Variants in KIF25 observed in about 807,000 individuals in gnomAD.
The protein encoded by KIF25 is kinesin-like protein KIF25.
Under a neutral mutation model 32.9 loss-of-function variants are expected in KIF25, and 19 were observed. That is an observed-to-expected ratio of 0.58 (90% CI 0.40 to 0.85). KIF25 has a LOEUF of 0.85. Ranked by LOEUF, KIF25 falls within the 40% of genes least tolerant of loss-of-function variation. KIF25 has a pLI of 0.00. For missense variants in KIF25, 485 were observed against 507.0 expected, an observed-to-expected ratio of 0.96 and a Z score of 0.42; for synonymous variants, 225 against 213.7, an observed-to-expected ratio of 1.05 and a Z score of -0.46.
At chr6:168,021,461 A>G (rs1287933708) in intron 5 of KIF25, among the ~76,000 whole-genome samples, 2 of 152,248 alleles carry the variant, frequency 1.3e-5, no homozygotes, top group African/African-American at 4.8e-5. Flanking sequence ...GAGTTTACAT[A>G]CTGTGCTAAC....
intron 8 of KIF25, among the ~76,000 whole-genome samples, chr6:168,037,648 TC>T (rs1304305808): frequency 2.7e-5 from 1 of 36,674 alleles, no homozygotes; most frequent in East Asian, 2.9e-3. Flanking sequence ...GTTTTATTTC[TC>T]TCTCTCTCTC....
In KIF25 at chr6:168,034,016, C is replaced by T; in HGVS notation, c.302C>T (p.Ala101Val). 1.2e-6 allele frequency: 2 copies of T among 1,614,132 alleles called. No homozygotes were observed. Among genetic ancestry groups the T allele is most frequent in the Non-Finnish European group, 8.5e-7 (1 of 1,180,020 alleles). The change falls in exon 8 of 13, where the codon GCT becomes GTT. Residue 101 changes from alanine to valine, a missense_variant. Physicochemically the swap from Ala to Val is moderately conservative, Grantham distance 64. This residue lies in a region of KIF25 where 480 missense variants were observed against 470.3 expected (regional missense o/e 1.02). Transcript: ENST00000643607. ...GACTTAGGAATTATCCCTAGAGTGG[C>T]TGAGGAGCTCTTCAGGTACTGCCGA... ...QSDLGIIPRVAEELFRLILEN... is the reference protein window; with the variant it reads ...QSDLGIIPRVVEELFRLILEN...
intron 8 of KIF25, chr6:168,035,758 GCA>G: frequency 2.2e-6 from 1 of 456,242 alleles, no homozygotes; most frequent in Non-Finnish European, 4.4e-6. Context: ...GTGATTTGCG[GCA>G]CTGGAATCCC....
intron 4 of KIF25, among the ~76,000 whole-genome samples, chr6:168,008,498 G>A (rs751131040): frequency 3.6e-4 from 55 of 152,200 alleles, no homozygotes; most frequent in Non-Finnish European, 3.2e-4. Context: ...TATTTTGAGA[G>A]CAGGTAGTGT....
intron 4 of KIF25, among the ~76,000 whole-genome samples, chr6:168,013,247 T>C (rs1798671024): frequency 6.6e-6 from 1 of 151,656 alleles, no homozygotes; most frequent in Non-Finnish European, 1.5e-5. Context: ...GCAGCTTGGC[T>C]AACTCAAGGG....
At chr6:168,005,891 A>C (rs1477163145) in intron 4 of KIF25, among the ~76,000 whole-genome samples, 2 of 152,204 alleles carry the variant, frequency 1.3e-5, no homozygotes, top group Non-Finnish European at 2.9e-5. Flanking sequence ...CCCAAGATCA[A>C]TACTTTGTAT....
intron 5 of KIF25, among the ~76,000 whole-genome samples, chr6:168,023,269 CTTTTTT>C (rs34667438): frequency 8.9e-6 from 1 of 111,922 alleles, no homozygotes. Context: ...TTCCTTCTTC[CTTTTTT>C]TTTTTTTTTT....
At chr6:168,043,742 A>G (rs576938049) in intron 12 of KIF25, among the ~76,000 whole-genome samples, 24 of 152,214 alleles carry the variant, frequency 1.6e-4, no homozygotes, top group Non-Finnish European at 2.5e-4. Context: ...AGTACCTGAG[A>G]GCCAGCAGGT....
At chr6:168,017,358 T>G (rs1240196303) in intron 4 of KIF25, among the ~76,000 whole-genome samples, 6 of 152,242 alleles carry the variant, frequency 3.9e-5, no homozygotes, top group Non-Finnish European at 8.8e-5. Flanking sequence ...GAATACACAT[T>G]TTGTTTTAGA....
intron 7 of KIF25, among the ~76,000 whole-genome samples, chr6:168,033,199 A>G (rs898585987): frequency 2.6e-5 from 4 of 151,952 alleles, no homozygotes; most frequent in African/African-American, 9.7e-5. Flanking sequence ...AAAATACAAA[A>G]TTTTTCTTTT....
intron 4 of KIF25, among the ~76,000 whole-genome samples, chr6:168,014,112 G>A (rs975979045): frequency 3.3e-5 from 5 of 152,088 alleles, no homozygotes; most frequent in African/African-American, 1.2e-4. Flanking sequence ...GTTAACAGGA[G>A]CCCTTGGGAC....
At chr6:168,024,084 A>G (rs1461916210) in intron 5 of KIF25, among the ~76,000 whole-genome samples, 1 of 152,258 alleles carries the variant, frequency 6.6e-6, no homozygotes, top group Non-Finnish European at 1.5e-5. Context: ...AAACTTCCAT[A>G]CACGGTGCTG....
At chr6:168,044,687 G>A (rs1799191795) in intron 12 of KIF25, 140 bp from the exon 13 acceptor site, 3 of 831,620 alleles carry the variant, frequency 3.6e-6, no homozygotes, top group East Asian at 2.5e-5. Context: ...CCAGGAACCT[G>A]CCAGACGTGG....
chr6:168,027,224 G>A (rs546738632), intron 5 of KIF25, among the ~76,000 whole-genome samples: 4 of 152,194 alleles, frequency 2.6e-5, no homozygotes, highest in South Asian at 2.1e-4. Context: ...AGGCAGAGGC[G>A]GGCAGATTGC....
chr6:168,005,171 G>A (rs59007150), intron 4 of KIF25, among the ~76,000 whole-genome samples: 21,163 of 152,136 alleles, frequency 0.14, 1,913 homozygotes, highest in East Asian at 0.44. Flanking sequence ...ACTGTCACAG[G>A]CATTGTTGGG....
In KIF25 at chr6:168,044,708, G is replaced by A. The variant is rs559489535; in HGVS notation, c.986-119G>A. On this transcript the variant is annotated intron_variant, in intron 12 of 12. Transcript: ENST00000643607. ...ACCTGCCAGACGTGGCCACTTTCCC[G>A]CTGGGGCGCCGGGCGGCCCTCTCTG... 1.1e-5 allele frequency: 12 copies of A among 1,067,288 alleles called. No homozygotes were observed. The East Asian group carries it at 1.2e-4, about 11-fold the overall frequency. 66.1% of individuals were successfully genotyped at this position (1,067,288 alleles called of 1,614,324 possible).
chr6:168,011,160 CTT>C (rs1798642541), intron 4 of KIF25, among the ~76,000 whole-genome samples: 1 of 152,040 alleles, frequency 6.6e-6, no homozygotes, highest in Admixed American at 6.6e-5. Context: ...TTATTGACTG[CTT>C]TTTGATTGTT....
At chr6:168,024,494 G>C (rs1798832951) in intron 5 of KIF25, among the ~76,000 whole-genome samples, 1 of 147,134 alleles carries the variant, frequency 6.8e-6, no homozygotes, top group Non-Finnish European at 1.5e-5. Context: ...TAGGTAAGGA[G>C]GGAAATGGGG....
At chr6:168,028,504 A>T (rs2114896475) in intron 5 of KIF25, among the ~76,000 whole-genome samples, 1 of 152,322 alleles carries the variant, frequency 6.6e-6, no homozygotes, top group South Asian at 2.1e-4. Flanking sequence ...AGTCTCAGAG[A>T]AGGTTCCAGT....
Sources: gnomAD v4.1 joint callset for allele counts (sites outside exome capture counted in the v4.1 genomes callset) on GRCh38, gnomAD v4.1.1 for gene constraint, gnomAD v4.1.1 regional missense constraint, MANE v1.5 for transcripts, NCBI Gene and HGNC (gene_info 2026-07-23, HGNC 2026-07-21) for gene names.